Variants in ATG5 observed in about 807,000 individuals in gnomAD.
The protein encoded by ATG5 is autophagy related 5.
A neutral mutation model predicts 36.5 loss-of-function variants in ATG5; 14 were observed. The observed-to-expected ratio is 0.38, with a 90% CI of 0.25 to 0.60. The LOEUF (loss-of-function observed/expected upper bound fraction) is 0.60, where lower values mean the gene tolerates loss of function less well. ATG5 is among the 20% of genes least tolerant of loss of function. The probability of loss-of-function intolerance (pLI) is 0.60; values close to 1 mark genes in which losing one functional copy is unlikely to be tolerated. For synonymous variants in ATG5, 95 were observed against 101.5 expected (o/e 0.94, Z 0.38); for missense variants, 195 against 326.7 (o/e 0.60, Z 3.11).
At chr6:106,275,754 A>G (rs1779617968) in intron 5 of ATG5, among the ~76,000 whole-genome samples, 1 of 152,232 alleles carries the variant, frequency 6.6e-6, no homozygotes, top group Non-Finnish European at 1.5e-5. Context: ...CTGAATGTGT[A>G]ACATTTTGAG....
intron 5 of ATG5, among the ~76,000 whole-genome samples, chr6:106,258,640 G>T (rs916858417): frequency 2.0e-5 from 3 of 152,194 alleles, no homozygotes; most frequent in Non-Finnish European, 1.5e-5. Context: ...GGGTCATCAG[G>T]CTAGTAGCTG....
intron 7 of ATG5, among the ~76,000 whole-genome samples, chr6:106,196,390 G>C (rs926767346): frequency 5.3e-5 from 8 of 152,268 alleles, no homozygotes; most frequent in African/African-American, 1.9e-4. Context: ...AGACCACCAG[G>C]AGATGGAGAC....
chr6:106,271,313 A>G (rs997073145), intron 5 of ATG5, among the ~76,000 whole-genome samples: 1 of 152,216 alleles, frequency 6.6e-6, no homozygotes, highest in African/African-American at 2.4e-5. Flanking sequence ...AACCTCCAAC[A>G]TGATAGATAA....
chr6:106,308,253 G>C (rs187485089), intron 3 of ATG5, 111 bp downstream of exon 3: 48 of 890,162 alleles, frequency 5.4e-5, no homozygotes, highest in Non-Finnish European at 6.7e-5. Flanking sequence ...GTATGAGCTA[G>C]ACTAATGACT....
In ATG5 at chr6:106,269,445, G is replaced by A. The variant is rs138893372; in HGVS notation, c.478+10216C>T. On this transcript the variant is annotated intron_variant, in intron 5 of 7. Transcript: ENST00000369076. ...TGGGTGGTCGATGGGACTGGGCGCC[G>A]TGGAGCAGAGGGCGGCACTCGTCAG... Among the ~76,000 whole-genome samples the A allele has an allele frequency of 4.5e-3, 690 of 152,336 alleles. 3 individuals carry two copies. The highest frequency in any genetic ancestry group is 0.016 in the African/African-American group (653 of 41,574).
At chr6:106,307,838 T>C (rs1770507288) in intron 3 of ATG5, among the ~76,000 whole-genome samples, 3 of 152,138 alleles carry the variant, frequency 2.0e-5, no homozygotes, top group Non-Finnish European at 4.4e-5. Flanking sequence ...ATCAGTTCAA[T>C]ACCCTTCTTA....
rs932332346 is a variant in ATG5 at position 106,185,637 on chromosome 6, A to G, written c.*903T>C. The G allele has an allele frequency of 2.0e-5, 3 of 152,384 alleles. No homozygotes were observed. Among genetic ancestry groups the G allele is most frequent in the African/African-American group, 7.2e-5 (3 of 41,462 alleles). The allele number at this position is 152,384 out of a possible 1,614,324, so 9.4% of individuals were successfully genotyped here. A position where few individuals can be genotyped will look rare whatever the true frequency, so the allele number is the denominator to read the frequency against. ...AAGGAATGGGTTTTTCCAAAAATGC[A>G]AAATTAGCATTTACAGATGCTTAGG... On this transcript the variant is annotated 3_prime_UTR_variant, in exon 8 of 8. Coordinates refer to ENST00000369076, the MANE Select transcript of ATG5 (RefSeq NM_004849.4).
At chr6:106,253,342 G>A (rs565725190) in intron 5 of ATG5, among the ~76,000 whole-genome samples, 23 of 152,322 alleles carry the variant, frequency 1.5e-4, no homozygotes, top group Middle Eastern at 3.4e-3. Flanking sequence ...GCCAGTCCTG[G>A]AGGAAGTTCA....
chr6:106,324,019 T>C (rs1031894673), intron 1 of ATG5, among the ~76,000 whole-genome samples: 5 of 152,096 alleles, frequency 3.3e-5, no homozygotes, highest in African/African-American at 9.7e-5. Context: ...TCCAAGTTAA[T>C]ATCATCTTTT....
chr6:106,187,162 AGTT>A (rs1158241498), intron 7 of ATG5, among the ~76,000 whole-genome samples: 1 of 152,350 alleles, frequency 6.6e-6, no homozygotes, highest in Non-Finnish European at 1.5e-5. Context: ...GGTGAGCTTT[AGTT>A]GTTTTCAGTA....
chr6:106,204,064 C>A (rs1313643998), intron 6 of ATG5, among the ~76,000 whole-genome samples: 2 of 152,018 alleles, frequency 1.3e-5, no homozygotes, highest in Non-Finnish European at 2.9e-5. Context: ...ACATCACACA[C>A]CAAGGCCTGT....
chr6:106,236,775 T>C (rs565911386), intron 6 of ATG5, among the ~76,000 whole-genome samples: 1 of 152,302 alleles, frequency 6.6e-6, no homozygotes, highest in East Asian at 1.9e-4. Context: ...GTATAAGTTG[T>C]TTTACTCTGT....
At chr6:106,311,462 G>A (rs1770643155) in intron 2 of ATG5, among the ~76,000 whole-genome samples, 1 of 152,154 alleles carries the variant, frequency 6.6e-6, no homozygotes, top group Non-Finnish European at 1.5e-5. Context: ...GTGGAAGTCT[G>A]GGTGTGTGTA....
intron 5 of ATG5, among the ~76,000 whole-genome samples, chr6:106,264,233 G>A (rs1485501566): frequency 3.9e-5 from 6 of 152,082 alleles, no homozygotes; most frequent in Non-Finnish European, 5.9e-5. Context: ...TCAAGTGGAA[G>A]AAAGGATATC....
chr6:106,213,955 A>G (rs1327520745), intron 6 of ATG5, among the ~76,000 whole-genome samples: 1 of 152,184 alleles, frequency 6.6e-6, no homozygotes, highest in Non-Finnish European at 1.5e-5. Flanking sequence ...ACCCATTAAG[A>G]GAGAATAAAA....
At chr6:106,239,317 T>G (rs2114488123) in intron 6 of ATG5, among the ~76,000 whole-genome samples, 1 of 152,254 alleles carries the variant, frequency 6.6e-6, no homozygotes, top group East Asian at 1.9e-4. Context: ...AACCTTAAAA[T>G]CTATGCAGAA....
At chr6:106,321,214 G>A (rs1160715664) in intron 1 of ATG5, among the ~76,000 whole-genome samples, 1 of 152,034 alleles carries the variant, frequency 6.6e-6, no homozygotes, top group African/African-American at 2.4e-5. Context: ...ATTTTCACAG[G>A]GCTGTTAGGT....
intron 6 of ATG5, among the ~76,000 whole-genome samples, chr6:106,219,258 A>G (rs1037124139): frequency 1.3e-5 from 2 of 152,178 alleles, no homozygotes; most frequent in Non-Finnish European, 2.9e-5. Flanking sequence ...TCAATTTTCT[A>G]TATTTCATGT....
chr6:106,258,580 A>T (rs1409793625), intron 5 of ATG5, among the ~76,000 whole-genome samples: 1 of 152,176 alleles, frequency 6.6e-6, no homozygotes. Context: ...AGCTCTCCTC[A>T]TTGTAGAGAG....
Sources: allele counts gnomAD v4.1 joint callset (sites outside exome capture counted in the v4.1 genomes callset), GRCh38; gene constraint gnomAD v4.1.1; transcripts MANE v1.5; gene names NCBI Gene and HGNC (gene_info 2026-07-23, HGNC 2026-07-21).